HIBCH: variants seen among roughly 807,000 people sequenced by gnomAD.
HIBCH encodes 3-hydroxyisobutyryl-CoA hydrolase, mitochondrial.
Under a neutral mutation model 58.2 loss-of-function variants are expected in HIBCH, and 50 were observed. The ratio of observed to expected loss-of-function variants is 0.86; its 90% CI spans 0.68 to 1.09. HIBCH has a LOEUF of 1.09. HIBCH is among the 50% of genes least tolerant of loss of function. The pLI is 0.00. For synonymous variants in HIBCH, 151 were observed against 146.9 expected, an observed-to-expected ratio of 1.03 and a Z score of -0.20; for missense variants, 450 against 449.7, an observed-to-expected ratio of 1.00 and a Z score of -0.01.
intron 11 of HIBCH, among the ~76,000 whole-genome samples, chr2:190,225,661 A>C (rs973870583): frequency 1.2e-4 from 18 of 152,234 alleles, no homozygotes; most frequent in Non-Finnish European, 2.1e-4. Context: ...CCAGGACCAG[A>C]CGGATTCATA....
rs1190404306 is a variant in HIBCH at position 190,243,221 on chromosome 2, C to T, written c.891+1666G>A. On this transcript the variant is annotated intron_variant, in intron 11 of 13. Transcript: ENST00000359678. This position sits in a 1 kb window ranked among gnomAD's most constrained non-coding sequence, Gnocchi z 4.1. ...AGAGAATATAAAGCAGGCAGAAAAC[C>T]GTGTAAAGGAGAGACTGGCCTAGCC... 2.0e-5 allele frequency among the ~76,000 whole-genome samples: 3 copies of T among 152,160 alleles called. No homozygotes were observed. The highest frequency in any genetic ancestry group is 4.4e-5 in the Non-Finnish European group (3 of 68,032).
chr2:190,259,887 C>G (rs1417910231), intron 7 of HIBCH, among the ~76,000 whole-genome samples: 1 of 152,122 alleles, frequency 6.6e-6, no homozygotes, highest in Non-Finnish European at 1.5e-5. Flanking sequence ...CAGCATTGAA[C>G]AGAAATGATG....
At chr2:190,194,217 T>C (rs1452990217) in intron 1 of HIBCH, among the ~76,000 whole-genome samples, 1 of 152,152 alleles carries the variant, frequency 6.6e-6, no homozygotes, top group Non-Finnish European at 1.5e-5. Flanking sequence ...TATGTAATAG[T>C]TGTTGGGTGT....
chr2:190,315,482 G>A lies in HIBCH; in HGVS notation c.35+4234C>T, dbSNP rs189106626. ...CAAACCCTCCAGGTGGTTATGATGC[G>A]TGAAGTTTAAATAAACAACTGTCTT... On this transcript the variant is annotated intron_variant, in intron 1 of 13. Coordinates refer to ENST00000359678, the MANE Select transcript of HIBCH (RefSeq NM_014362.4). This position sits in a 1 kb window ranked among gnomAD's most constrained non-coding sequence, Gnocchi z 5.4. 2.7e-3 allele frequency among the ~76,000 whole-genome samples: 414 copies of A among 152,280 alleles called. 5 individuals carry two copies. The highest frequency in any genetic ancestry group is 0.024 in the Admixed American group (373 of 15,304).
At chr2:190,241,827 G>T (rs534296894) in intron 11 of HIBCH, among the ~76,000 whole-genome samples, 5 of 152,274 alleles carry the variant, frequency 3.3e-5, no homozygotes, top group African/African-American at 1.2e-4. Flanking sequence ...TCTACACAGG[G>T]ATCTGCTGTT....
intron 6 of HIBCH, among the ~76,000 whole-genome samples, chr2:190,285,248 A>T (rs756062107): frequency 2.3e-4 from 35 of 151,674 alleles, no homozygotes; most frequent in African/African-American, 7.8e-4. Context: ...TCCTTATGGG[A>T]TTTCTTTCCT....
chr2:190,252,108 A>G (rs1172658253), intron 8 of HIBCH, 54 bp downstream of exon 8: 12 of 1,550,976 alleles, frequency 7.7e-6, no homozygotes, highest in Non-Finnish European at 1.1e-5. Flanking sequence ...CTTCCCATGC[A>G]CTATTTTGTG....
intron 2 of HIBCH, among the ~76,000 whole-genome samples, chr2:190,302,758 A>G (rs562721936): frequency 6.6e-6 from 1 of 152,116 alleles, no homozygotes; most frequent in Non-Finnish European, 1.5e-5. Flanking sequence ...GAGTCTAGTC[A>G]TTGGGGGGAA....
In HIBCH at chr2:190,294,546, C is replaced by T. The variant is rs574422258; in HGVS notation, c.304G>A (p.Val102Met). 2.5e-6 allele frequency: 4 copies of T among 1,607,982 alleles called. No homozygotes were observed. The highest frequency in any genetic ancestry group is 3.4e-6 in the Non-Finnish European group (4 of 1,175,458). Reference protein sequence around the residue: ...KAFCAGGDIRVISEAEKAKQK... With the variant: ...KAFCAGGDIRMISEAEKAKQK... ...TCAGGTGAAAGGGAAAAGTCTTTACCTCTGATATCACCCCCGGCACAGAAA... is the reference window on the plus strand; with the variant it reads ...TCAGGTGAAAGGGAAAAGTCTTTACTTCTGATATCACCCCCGGCACAGAAA... Residue 102 changes from valine (V) to methionine (M), a missense_variant and splice_region_variant, in exon 4 of 14, where the codon GTG (valine) becomes ATG (methionine). Transcript: ENST00000359678.
chr2:190,235,911 A>G (rs1575713097), intron 11 of HIBCH, among the ~76,000 whole-genome samples: 1 of 152,220 alleles, frequency 6.6e-6, no homozygotes, highest in African/African-American at 2.4e-5. Flanking sequence ...CTGAGAACAG[A>G]TACTGGATTG....
At chr2:190,294,020 GTGTATATATATATATATA>G (rs1688035651) in intron 4 of HIBCH, among the ~76,000 whole-genome samples, 1 of 125,876 alleles carries the variant, frequency 7.9e-6, no homozygotes, top group Admixed American at 8.8e-5. Context: ...TATATTTTGT[GTGTATATATATATATATA>G]TATATATATA....
chr2:190,299,504 T>TAA (rs1553506570), intron 2 of HIBCH, among the ~76,000 whole-genome samples: 1 of 151,324 alleles, frequency 6.6e-6, no homozygotes, highest in East Asian at 1.9e-4. Flanking sequence ...CAAAGTCTGA[T>TAA]ACACACACAC....
intron 7 of HIBCH, 49 bp from the exon 8 acceptor site, chr2:190,252,356 G>T (rs766134449): frequency 1.3e-6 from 2 of 1,512,860 alleles, no homozygotes; most frequent in East Asian, 4.6e-5. Context: ...AAATGAAAAA[G>T]ATAAATATAA....
Position 190,204,461 on chromosome 2 carries a change from G to A in HIBCH, c.*656C>T. ...AGACCAAGTCTGAGTTAATACTGAA[G>A]AGGGACGTTAATAAAAATCTTTTCT... On this transcript the variant is annotated 3_prime_UTR_variant, in exon 14 of 14. Transcript: ENST00000359678. 6.6e-6 allele frequency: 1 copy of A among 152,160 alleles called. No homozygotes were observed. The highest frequency in any genetic ancestry group is 1.9e-4 in the East Asian group (1 of 5,204). 9.4% of individuals were successfully genotyped at this position (152,160 alleles called of 1,614,324 possible). A position where few individuals can be genotyped will look rare whatever the true frequency, so the allele number is the denominator to read the frequency against.
chr2:190,267,417 G>A (rs916173003), intron 6 of HIBCH, among the ~76,000 whole-genome samples: 5 of 151,604 alleles, frequency 3.3e-5, no homozygotes, highest in African/African-American at 4.8e-5. Flanking sequence ...GGCTTGTCTT[G>A]AATGCCTGAC....
chr2:190,293,540 G>T (rs1688010154), intron 4 of HIBCH, among the ~76,000 whole-genome samples: 1 of 152,068 alleles, frequency 6.6e-6, no homozygotes, highest in African/African-American at 2.4e-5. Context: ...TCAGTTAACA[G>T]ATCAGTTTAA....
At chr2:190,239,467 A>G (rs1056440118) in intron 11 of HIBCH, among the ~76,000 whole-genome samples, 8 of 152,130 alleles carry the variant, frequency 5.3e-5, no homozygotes, top group African/African-American at 1.9e-4. Context: ...TTGGTTCCAT[A>G]TGAAATTGTT....
At position 190,211,207 on chromosome 2, in the gene HIBCH, A is replaced by G. The variant is rs1043964517; in HGVS notation, c.1011+1749T>C. On this transcript the variant is annotated intron_variant, in intron 12 of 13. Transcript: ENST00000359678. This position sits in a 1 kb window ranked among gnomAD's most constrained non-coding sequence, Gnocchi z 5.0. ...TTGTTTAGTAAATAACGAATCCCCAAGGTTTTCTTAATTGCTGTTGGTGTC... is the reference window on the plus strand; with the variant it reads ...TTGTTTAGTAAATAACGAATCCCCAGGGTTTTCTTAATTGCTGTTGGTGTC... 6.6e-6 allele frequency among the ~76,000 whole-genome samples: 1 copy of G among 152,134 alleles called. No homozygotes were observed. The highest frequency in any genetic ancestry group is 2.4e-5 in the African/African-American group (1 of 41,426).
At chr2:190,262,222 T>C (rs1396406587) in intron 6 of HIBCH, among the ~76,000 whole-genome samples, 1 of 148,896 alleles carries the variant, frequency 6.7e-6, no homozygotes, top group Non-Finnish European at 1.5e-5. Flanking sequence ...CTGCAGTCTG[T>C]ACAAGACAGA....
Sources: allele counts gnomAD v4.1 joint callset (sites outside exome capture counted in the v4.1 genomes callset), GRCh38; gene constraint gnomAD v4.1.1; non-coding constraint Gnocchi (gnomAD v3.1); transcripts MANE v1.5; gene names NCBI Gene and HGNC (gene_info 2026-07-23, HGNC 2026-07-21).